Variants in TBC1D8 observed in about 807,000 individuals in gnomAD.
The protein encoded by TBC1D8 is TBC1 domain family member 8.
Under a neutral mutation model 118.8 loss-of-function variants are expected in TBC1D8, and 65 were observed. That is an observed-to-expected ratio of 0.55 (90% CI 0.45 to 0.67). TBC1D8 has a LOEUF of 0.67. Among genes scored for constraint, TBC1D8 ranks in the 30% least tolerant of loss-of-function variants. The pLI, the probability that TBC1D8 is intolerant of heterozygous loss-of-function variation, is 0.00. For missense variants in TBC1D8, 1,376 were observed against 1,471.2 expected (o/e 0.94, Z 1.06); for synonymous variants, 566 against 595.8 (o/e 0.95, Z 0.73).
intron 1 of TBC1D8, among the ~76,000 whole-genome samples, chr2:101,115,087 G>A (rs944759612): frequency 6.6e-6 from 1 of 152,230 alleles, no homozygotes; most frequent in Non-Finnish European, 1.5e-5. Flanking sequence ...CAGTGTCCAA[G>A]ATAGAGACAA....
chr2:101,029,375 G>C, intron 12 of TBC1D8, 116 bp downstream of exon 12: 12 of 1,194,500 alleles, frequency 1.0e-5, no homozygotes, highest in Non-Finnish European at 1.4e-5. Context: ...CTGGGCAACA[G>C]AGTGAGACTC....
chr2:101,019,085 A>G, intron 17 of TBC1D8: 1 of 1,586,762 alleles, frequency 6.3e-7, no homozygotes, highest in Non-Finnish European at 8.6e-7. Flanking sequence ...TCGGCTCTTC[A>G]TTGCTTCCTG....
chr2:101,102,500 C>A (rs544753508), intron 1 of TBC1D8, among the ~76,000 whole-genome samples: 122 of 147,848 alleles, frequency 8.3e-4, no homozygotes, highest in African/African-American at 2.9e-3. Context: ...GGTCTAAGTA[C>A]ACCAACTAAA....
intron 3 of TBC1D8, 60 bp downstream of exon 3, chr2:101,059,361 G>C: frequency 7.3e-7 from 1 of 1,367,024 alleles, no homozygotes; most frequent in Non-Finnish European, 1.0e-6. Context: ...ACAGTGTTCG[G>C]AATGTCTTAA....
chr2:101,048,752 A>C (rs1425161674), intron 5 of TBC1D8, among the ~76,000 whole-genome samples: 2 of 152,192 alleles, frequency 1.3e-5, no homozygotes, highest in Non-Finnish European at 1.5e-5. Flanking sequence ...AAAAAAAAAA[A>C]AACACTATAT....
intron 14 of TBC1D8, 34 bp from the exon 15 acceptor site, chr2:101,027,485 T>A: frequency 6.2e-7 from 1 of 1,605,434 alleles, no homozygotes. Context: ...TGGCGTGAAA[T>A]CTAGGCCTGC....
At chr2:101,096,807 G>GAA (rs1221964918) in intron 1 of TBC1D8, among the ~76,000 whole-genome samples, 5 of 151,730 alleles carry the variant, frequency 3.3e-5, no homozygotes, top group African/African-American at 1.2e-4. Context: ...GAGAGAGAGA[G>GAA]AGAGAGAGAG....
At chr2:101,131,092 G>A (rs4851405) in intron 1 of TBC1D8, among the ~76,000 whole-genome samples, 22,018 of 152,074 alleles carry the variant, frequency 0.14, 1,991 homozygotes, top group East Asian at 0.27. Context: ...TTAGAAAGAT[G>A]AGGTCTTGCT....
At chr2:101,040,557 C>G (rs1448323424) in intron 5 of TBC1D8, among the ~76,000 whole-genome samples, 172 bp from the exon 6 acceptor site, 1 of 152,226 alleles carries the variant, frequency 6.6e-6, no homozygotes, top group African/African-American at 2.4e-5. Flanking sequence ...GCAACCTCCA[C>G]CTCCCAGGTT....
At chr2:101,033,109 A>G (rs953839827) in intron 10 of TBC1D8, among the ~76,000 whole-genome samples, 3 of 146,980 alleles carry the variant, frequency 2.0e-5, no homozygotes, top group Non-Finnish European at 4.5e-5. Flanking sequence ...TTCTCTTTTC[A>G]GGCACTCGGT....
chr2:101,011,677 A>T, intron 17 of TBC1D8, 137 bp from the exon 18 acceptor site: 1 of 762,844 alleles, frequency 1.3e-6, no homozygotes, highest in Non-Finnish European at 2.2e-6. Context: ...AGGGTCCACG[A>T]ACCCAAATGC....
At chr2:101,115,709 C>A (rs1677788637) in intron 1 of TBC1D8, among the ~76,000 whole-genome samples, 2 of 152,136 alleles carry the variant, frequency 1.3e-5, no homozygotes, top group South Asian at 4.1e-4. Flanking sequence ...CGAGATTGTA[C>A]CACTGCACCC....
At chr2:101,127,455 A>G (rs1182438514) in intron 1 of TBC1D8, among the ~76,000 whole-genome samples, 1 of 152,138 alleles carries the variant, frequency 6.6e-6, no homozygotes, top group Non-Finnish European at 1.5e-5. Flanking sequence ...TACACCACTG[A>G]GGAGATGGGT....
At chr2:101,037,393 C>A in intron 8 of TBC1D8, 139 bp downstream of exon 8, 4 of 1,251,964 alleles carry the variant, frequency 3.2e-6, no homozygotes, top group South Asian at 3.1e-5. Flanking sequence ...CACTTTTCAC[C>A]CATGAGAACA....
At chr2:101,045,077 A>G (rs142266978) in intron 5 of TBC1D8, among the ~76,000 whole-genome samples, 6 of 152,250 alleles carry the variant, frequency 3.9e-5, no homozygotes, top group African/African-American at 1.2e-4. Flanking sequence ...GACTGTAAGT[A>G]AGGAGGGAAT....
chr2:101,099,280 G>C (rs901522561), intron 1 of TBC1D8, among the ~76,000 whole-genome samples: 16 of 152,048 alleles, frequency 1.1e-4, no homozygotes, highest in Admixed American at 1.0e-3. Flanking sequence ...TAAATTTCTG[G>C]ACGCATACCA....
intron 2 of TBC1D8, among the ~76,000 whole-genome samples, chr2:101,076,057 G>A (rs1674795247): frequency 6.6e-6 from 1 of 152,204 alleles, no homozygotes; most frequent in Non-Finnish European, 1.5e-5. Flanking sequence ...TAATTCACTT[G>A]TCATCACTGC....
At chr2:101,131,356 TACA>T (rs1015753336) in intron 1 of TBC1D8, among the ~76,000 whole-genome samples, 1 of 151,732 alleles carries the variant, frequency 6.6e-6, no homozygotes, top group African/African-American at 2.4e-5. Flanking sequence ...CTACTAAAAA[TACA>T]ACATTAGCCG....
At position 101,145,056 on chromosome 2, in the gene TBC1D8, C is replaced by T. The variant is rs114590453; in HGVS notation, c.127+6071G>A. On this transcript the variant is annotated intron_variant, in intron 1 of 19. Coordinates refer to ENST00000409318, the MANE Select transcript of TBC1D8 (RefSeq NM_001330348.2). ...TAGTAAATGAATTCTTTACAAGCTA[C>T]CAGCCTCTCAATAATTGTCAGCTCT... 3.1e-3 allele frequency among the ~76,000 whole-genome samples: 470 copies of T among 152,340 alleles called. 2 individuals are homozygous for T. Among genetic ancestry groups the T allele is most frequent in the African/African-American group, 0.011 (449 of 41,568 alleles).
Sources: gnomAD v4.1 joint callset for allele counts (sites outside exome capture counted in the v4.1 genomes callset) on GRCh38, gnomAD v4.1.1 for gene constraint, MANE v1.5 for transcripts, NCBI Gene and HGNC (gene_info 2026-07-23, HGNC 2026-07-21) for gene names.